UIMC1: variants seen among roughly 807,000 people sequenced by gnomAD.
The protein encoded by UIMC1 is ubiquitin interaction motif containing 1.
UIMC1 carries 42 observed loss-of-function variants against 84.9 expected under a neutral mutation model. The ratio of observed to expected loss-of-function variants is 0.49; its 90% CI spans 0.39 to 0.64. The LOEUF is 0.64. UIMC1 is among the 30% of genes least tolerant of loss of function. UIMC1 has a pLI of 0.00. For missense variants in UIMC1, 825 were observed against 847.6 expected (o/e 0.97, Z 0.33); for synonymous variants, 281 against 293.0 (o/e 0.96, Z 0.42).
intron 1 of UIMC1, among the ~76,000 whole-genome samples, chr5:176,999,577 T>C (rs899687642): frequency 6.6e-6 from 1 of 150,726 alleles, no homozygotes; most frequent in African/African-American, 2.4e-5. Flanking sequence ...CAACCTCTAG[T>C]AACCATCCTT....
intron 2 of UIMC1, among the ~76,000 whole-genome samples, chr5:176,977,826 A>C (rs1280920742): frequency 6.6e-6 from 1 of 151,510 alleles, no homozygotes; most frequent in African/African-American, 2.4e-5. Flanking sequence ...AGGCAGAATC[A>C]CCTGAACCTG....
chr5:176,954,328 T>C (rs1308270863), intron 8 of UIMC1, among the ~76,000 whole-genome samples: 3 of 152,130 alleles, frequency 2.0e-5, no homozygotes, highest in Non-Finnish European at 2.9e-5. Context: ...GGTAGCACAG[T>C]ATTCTTGAGT....
At chr5:177,014,684 C>T (rs986389442) in intron 1 of UIMC1, among the ~76,000 whole-genome samples, 1 of 151,782 alleles carries the variant, frequency 6.6e-6, no homozygotes. Context: ...GGTGAAAGAG[C>T]GTTAACTCCA....
In UIMC1 at chr5:176,907,493, T is replaced by C. The variant is rs181297657; in HGVS notation, c.1849-316A>G. Among the ~76,000 whole-genome samples, 410 of 152,316 alleles carry C rather than the reference T, an allele frequency of 2.7e-3. 1 individual carries two copies. Among genetic ancestry groups the C allele is most frequent in the African/African-American group, 9.6e-3 (400 of 41,576 alleles). ...TACCTATAAACCATAACTCCAAATC[T>C]CCGCCTCAAAATCACCCCATTCACA... On this transcript the variant is annotated intron_variant, in intron 12 of 14. Transcript: ENST00000511320.
Position 176,951,456 on chromosome 5 carries a change from A to C in UIMC1, c.1443+18T>G, listed in dbSNP as rs1765867075. ...CGGAAAGAAACCACTGAGAAAAAAT[A>C]TAGAGGAAAATATTCACCTCCTTAT... On this transcript the variant is annotated intron_variant, in intron 9 of 14. Transcript: ENST00000511320. 6.7e-7 allele frequency: 1 copy of C among 1,499,750 alleles called. No individual in the cohort carries two copies. The highest frequency in any genetic ancestry group is 8.9e-7 in the Non-Finnish European group (1 of 1,123,900). 92.9% of individuals were successfully genotyped at this position (1,499,750 alleles called of 1,614,324 possible). A position where few individuals can be genotyped will look rare whatever the true frequency, so the allele number is the denominator to read the frequency against.
intron 1 of UIMC1, among the ~76,000 whole-genome samples, chr5:177,018,816 T>C (rs1472911152): frequency 2.0e-5 from 3 of 152,194 alleles, no homozygotes; most frequent in Non-Finnish European, 4.4e-5. Context: ...CATTGGAGAA[T>C]AAATGGACAT....
chr5:176,917,421 A>G (rs1469382181), intron 10 of UIMC1, among the ~76,000 whole-genome samples: 1 of 151,992 alleles, frequency 6.6e-6, no homozygotes, highest in Non-Finnish European at 1.5e-5. Flanking sequence ...AAAATAGACA[A>G]TTTAGCCGGG....
At chr5:176,912,489 T>G (rs1323774710) in intron 10 of UIMC1, among the ~76,000 whole-genome samples, 6 of 127,216 alleles carry the variant, frequency 4.7e-5, no homozygotes, top group African/African-American at 1.9e-4. Flanking sequence ...TTTTTTTTTT[T>G]GAGACATAGT....
chr5:176,965,147 C>T (rs1406563531), intron 6 of UIMC1, among the ~76,000 whole-genome samples: 2 of 152,154 alleles, frequency 1.3e-5, no homozygotes, highest in South Asian at 2.1e-4. Flanking sequence ...TGAAGCCAGG[C>T]GCGGTGGCTC....
chr5:176,957,034 C>A (rs1489367291), intron 7 of UIMC1, among the ~76,000 whole-genome samples: 1 of 152,114 alleles, frequency 6.6e-6, no homozygotes, highest in Admixed American at 6.6e-5. Flanking sequence ...CCTGCGATTC[C>A]AACTCTCTCC....
intron 9 of UIMC1, among the ~76,000 whole-genome samples, chr5:176,944,791 G>C (rs917778593): frequency 9.9e-5 from 15 of 152,114 alleles, no homozygotes; most frequent in African/African-American, 3.4e-4. Context: ...AAAATGTCCT[G>C]TTTTCAACAT....
intron 9 of UIMC1, among the ~76,000 whole-genome samples, chr5:176,947,581 G>C (rs1765291351): frequency 1.3e-5 from 2 of 152,288 alleles, no homozygotes; most frequent in East Asian, 3.9e-4. Context: ...CACTTTGGGA[G>C]GCCAAGGCGG....
At chr5:176,989,701 G>A (rs1311430796) in intron 1 of UIMC1, among the ~76,000 whole-genome samples, 1 of 151,960 alleles carries the variant, frequency 6.6e-6, no homozygotes, top group Non-Finnish European at 1.5e-5. Flanking sequence ...TTTAAATACA[G>A]TTAACAGAAT....
chr5:177,010,036 G>C (rs1242310739), upstream of UIMC1, among the ~76,000 whole-genome samples: 1 of 151,634 alleles, frequency 6.6e-6, no homozygotes, highest in Non-Finnish European at 1.5e-5. Context: ...TACAGATGCC[G>C]TGTGGCCAGA....
chr5:177,011,329 C>CTTGAGGATGTGAG (rs1188513674), upstream of UIMC1, among the ~76,000 whole-genome samples: 3 of 152,142 alleles, frequency 2.0e-5, no homozygotes, highest in Non-Finnish European at 4.4e-5. Flanking sequence ...TACTTGAGCC[C>CTTGAGGATGTGAG]AGGAGTTCAA....
chr5:176,936,011 A>C (rs534256737), intron 10 of UIMC1, among the ~76,000 whole-genome samples: 2 of 152,024 alleles, frequency 1.3e-5, no homozygotes, highest in Non-Finnish European at 2.9e-5. Context: ...ACTCTCCTAT[A>C]ATCTATTTCT....
intron 1 of UIMC1, among the ~76,000 whole-genome samples, chr5:177,014,057 CTTTTT>C (rs34686520): frequency 2.5e-5 from 3 of 122,130 alleles, no homozygotes; most frequent in Admixed American, 1.7e-4. Context: ...TTTTTCTTTT[CTTTTT>C]TTTTTTTTTT....
intron 10 of UIMC1, among the ~76,000 whole-genome samples, chr5:176,925,839 A>C (rs528264764): frequency 3.9e-4 from 59 of 152,324 alleles, no homozygotes; most frequent in Admixed American, 3.5e-3. Context: ...GTATACGCAT[A>C]TGCCCAAACT....
At chr5:176,981,576 T>C (rs964541923) in intron 2 of UIMC1, among the ~76,000 whole-genome samples, 8 of 152,012 alleles carry the variant, frequency 5.3e-5, no homozygotes, top group African/African-American at 1.9e-4. Context: ...CTAGGCAGGA[T>C]TGCTTGAGGA....
Sources: gnomAD v4.1 joint callset for allele counts (sites outside exome capture counted in the v4.1 genomes callset) on GRCh38, gnomAD v4.1.1 for gene constraint, MANE v1.5 for transcripts, NCBI Gene and HGNC (gene_info 2026-07-23, HGNC 2026-07-21) for gene names.